The following ANAPC5 variants were observed in gnomAD, a reference collection of about 807,000 sequenced individuals.
The protein encoded by ANAPC5 is anaphase-promoting complex subunit 5.
A neutral mutation model predicts 91.3 loss-of-function variants in ANAPC5; 60 were observed. The observed-to-expected ratio is 0.66, with a 90% CI of 0.53 to 0.81. The LOEUF is 0.81. ANAPC5 is among the 40% of genes least tolerant of loss of function. The pLI is 0.00. For synonymous variants in ANAPC5, 340 were observed against 364.1 expected (o/e 0.93, Z 0.75); for missense variants, 690 against 931.5 (o/e 0.74, Z 3.37).
Position 121,352,396 on chromosome 12 carries a change from A to C in ANAPC5, c.-56T>G, listed in dbSNP as rs1350579821. ...GCGCGCTGCCGCCAGTTGTCACCAC[A>C]AGGCACAACACTACCGGGTCTACAT... On this transcript the variant is annotated 5_prime_UTR_variant, in exon 1 of 17. Transcript: ENST00000261819. The C allele has an allele frequency of 3.6e-6, 5 of 1,397,506 alleles. No individual in the cohort carries two copies. Among genetic ancestry groups the C allele is most frequent in the Non-Finnish European group, 5.0e-6 (5 of 1,005,570 alleles). 86.6% of individuals were successfully genotyped at this position (1,397,506 alleles called of 1,614,324 possible).
At chr12:121,343,781 A>G (rs538519771) in intron 4 of ANAPC5, among the ~76,000 whole-genome samples, 59 of 152,322 alleles carry the variant, frequency 3.9e-4, no homozygotes, top group African/African-American at 1.4e-3. Flanking sequence ...GCAGTAAATA[A>G]TAAGCTCCCA....
chr12:121,341,876 A>G, intron 5 of ANAPC5, 127 bp downstream of exon 5: 1 of 585,630 alleles, frequency 1.7e-6, no homozygotes, highest in Non-Finnish European at 2.9e-6. Flanking sequence ...GACCAAGAGT[A>G]AAGGCTGACA....
At position 121,330,621 on chromosome 12, in the gene ANAPC5, C is replaced by A. The variant is rs1341505294; in HGVS notation, c.1084G>T (p.Glu362Ter). Residue 362 changes from glutamate (E) to a stop codon, truncating the protein, a stop_gained, in exon 9 of 17, where the codon GAG becomes TAG. Transcript: ENST00000261819. LOFTEE classifies it high-confidence loss of function. ...QKRSDSYVLL[E>*]HSVKKAVHFG... ...TGTACTGCCTTCTTCACAGAATGCT[C>A]CAGCAGAACATAGCTATCGGATCTC... The A allele has an allele frequency of 6.2e-7, 1 of 1,613,978 alleles. No individual in the cohort carries two copies. The highest frequency in any genetic ancestry group is 8.5e-7 in the Non-Finnish European group (1 of 1,180,014).
intron 10 of ANAPC5, 200 bp downstream of exon 10, chr12:121,328,116 T>G: frequency 3.9e-6 from 2 of 515,926 alleles, no homozygotes; most frequent in South Asian, 2.9e-5. Context: ...TTGGGAGGAG[T>G]AAGAAGGAAC....
chr12:121,318,038 C>G, intron 15 of ANAPC5: 1 of 349,602 alleles, frequency 2.9e-6, no homozygotes, highest in Non-Finnish European at 5.1e-6. Context: ...ACTGAAGAGG[C>G]GAGTCCTCCT....
Position 121,318,321 on chromosome 12 carries a change from G to A in ANAPC5, c.1849C>T (p.Gln617Ter), listed in dbSNP as rs1386965367. The stretch of plus-strand genomic sequence containing the variant: ...AGCACTGTTTCAGAGGCCAAGTACT[G>A]TAACCGGTACTCCTTGGAGAGGGCC... ...ALALSKEYRL[Q>*]YLASETVLNL... Residue 617 changes from glutamine (Q) to a stop codon, truncating the protein, a stop_gained, in exon 15 of 17, where the codon CAG becomes TAG. Coordinates refer to ENST00000261819, the MANE Select transcript of ANAPC5 (RefSeq NM_016237.5). LOFTEE classifies it high-confidence loss of function. 2 of 1,591,382 alleles carry A rather than the reference G, an allele frequency of 1.3e-6. No homozygotes were observed. The highest frequency in any genetic ancestry group is 1.4e-5 in the African/African-American group (1 of 73,736).
At chr12:121,340,787 C>T (rs1555274022) in intron 5 of ANAPC5, among the ~76,000 whole-genome samples, 2 of 151,760 alleles carry the variant, frequency 1.3e-5, no homozygotes, top group African/African-American at 4.8e-5. Flanking sequence ...CTCTCAAACA[C>T]CTGACCTTGT....
chr12:121,318,746 C>T lies in ANAPC5; in HGVS notation c.1638-138G>A, dbSNP rs528328506. ...TTAATTTTTGTTGAAAGAGGCTGAG[C>T]GCGGTGGCTCACACCTGTAATCCCA... On this transcript the variant is annotated intron_variant, in intron 13 of 16. Coordinates refer to ENST00000261819, the MANE Select transcript of ANAPC5 (RefSeq NM_016237.5). The T allele has an allele frequency of 1.8e-3, 1,318 of 749,340 alleles. 38 individuals are homozygous for T. The South Asian group carries it at 0.022, about 13-fold the overall frequency. 46.4% of individuals were successfully genotyped at this position (749,340 alleles called of 1,614,324 possible).
At position 121,327,285 on chromosome 12, in the gene ANAPC5, T is replaced by G. The variant is rs547177366; in HGVS notation, c.1305-54A>C. 8.1e-6 allele frequency: 13 copies of G among 1,599,242 alleles called. No homozygotes were observed. In the South Asian group the frequency reaches 1.4e-4, roughly 18 times the overall value. On this transcript the variant is annotated intron_variant, in intron 10 of 16. Coordinates refer to ENST00000261819, the MANE Select transcript of ANAPC5 (RefSeq NM_016237.5). ...TTTCAGCAGCAGACCTGGCTGCGCT[T>G]TGGCCATGCCCGTCAGCTATCTTGA...
intron 11 of ANAPC5, chr12:121,320,794 G>A (rs996746790): frequency 1.7e-5 from 3 of 175,088 alleles, no homozygotes; most frequent in South Asian, 1.5e-4. Flanking sequence ...TAGTAGAGAC[G>A]GGGTTTCACT....
At chr12:121,322,217 G>T (rs753027975) in intron 11 of ANAPC5, among the ~76,000 whole-genome samples, 1 of 150,414 alleles carries the variant, frequency 6.6e-6, no homozygotes, top group Non-Finnish European at 1.5e-5. Context: ...GGAGTGCAGT[G>T]GTGTGGTCTA....
At chr12:121,345,815 T>A (rs1436297779) in intron 4 of ANAPC5, 24 bp downstream of exon 4, 5 of 1,598,844 alleles carry the variant, frequency 3.1e-6, no homozygotes, top group Non-Finnish European at 4.3e-6. Flanking sequence ...AGGAAAAGGA[T>A]CCCTGTCAGA....
At chr12:121,336,814 G>C (rs1456250918) in intron 6 of ANAPC5, among the ~76,000 whole-genome samples, 2 of 152,216 alleles carry the variant, frequency 1.3e-5, no homozygotes, top group African/African-American at 4.8e-5. Flanking sequence ...GGCCCGAGGA[G>C]GGAGGGAGGA....
chr12:121,345,718 A>T, intron 4 of ANAPC5, 121 bp downstream of exon 4: 1 of 1,044,354 alleles, frequency 9.6e-7, no homozygotes, highest in Non-Finnish European at 1.4e-6. Context: ...TTAACTTCCC[A>T]GATCTGGAAG....
Position 121,347,885 on chromosome 12 carries a change from T to C in ANAPC5, c.208-4A>G, listed in dbSNP as rs566259298. On this transcript the variant is annotated splice_polypyrimidine_tract_variant and splice_region_variant and intron_variant, in intron 1 of 16. Transcript: ENST00000261819. ...TTGACAGTGTAATATCTGGGCCCTG[T>C]GTAAAGGAGAGATAGGGAGGTATGG... The C allele has an allele frequency of 1.6e-5, 26 of 1,604,970 alleles. No homozygotes were observed. The Admixed American group carries it at 4.2e-4, about 26-fold the overall frequency.
chr12:121,348,394 G>A (rs1903753868), intron 1 of ANAPC5, among the ~76,000 whole-genome samples: 1 of 152,240 alleles, frequency 6.6e-6, no homozygotes, highest in African/African-American at 2.4e-5. Flanking sequence ...GCCGGGCACA[G>A]TGGCTCATGC....
intron 1 of ANAPC5, 139 bp from the exon 2 acceptor site, chr12:121,348,020 TA>T: frequency 1.6e-6 from 1 of 631,528 alleles, no homozygotes; most frequent in Non-Finnish European, 2.8e-6. Flanking sequence ...TCTATCTACC[TA>T]AAACACTAAA....
Position 121,309,838 on chromosome 12 carries a change from G to C in ANAPC5, c.1919C>G (p.Ala640Gly). 6.2e-7 allele frequency: 1 copy of C among 1,613,858 alleles called. No individual in the cohort carries two copies. Residue 640 changes from alanine to glycine, a missense_variant, in exon 16 of 17, where the codon GCC (alanine) becomes GGC (glycine). Ala to Gly is a moderately conservative substitution (Grantham distance 60, BLOSUM62 0). Transcript: ENST00000261819. ...AQLILGIPEQ[A>G]LSLLHMAIEP... ...GATGGCCATGTGGAGAAGACTTAAG[G>C]CCTGTTCTGGGATTCCAAGAATGAG...
chr12:121,337,430 G>T, intron 5 of ANAPC5, 38 bp from the exon 6 acceptor site: 1 of 1,433,052 alleles, frequency 7.0e-7, no homozygotes, highest in Non-Finnish European at 9.8e-7. Flanking sequence ...GAAAGAAAGG[G>T]TCAATAAACA....
Sources: gnomAD v4.1 joint callset for allele counts (sites outside exome capture counted in the v4.1 genomes callset) on GRCh38, gnomAD v4.1.1 for gene constraint, MANE v1.5 for transcripts, NCBI Gene and HGNC (gene_info 2026-07-23, HGNC 2026-07-21) for gene names.